The following FBXL19 variants were observed in gnomAD, a reference collection of about 807,000 sequenced individuals.
FBXL19 encodes F-box/LRR-repeat protein 19.
Under a neutral mutation model 71.2 loss-of-function variants are expected in FBXL19, and 16 were observed. The ratio of observed to expected loss-of-function variants is 0.22; its 90% CI spans 0.15 to 0.34. The LOEUF is 0.34. Among genes scored for constraint, FBXL19 ranks in the 10% least tolerant of loss-of-function variants. The pLI is 1.00. For missense variants in FBXL19, 658 were observed against 968.2 expected (o/e 0.68, Z 4.25); for synonymous variants, 447 against 409.4 (o/e 1.09, Z -1.11).
At chr16:30,928,348 C>G in intron 5 of FBXL19, 119 bp from the exon 6 acceptor site, 1 of 1,130,166 alleles carries the variant, frequency 8.8e-7, no homozygotes, top group Non-Finnish European at 1.2e-6. Flanking sequence ...AGAGTTATCC[C>G]TGGGACGGGG....
In FBXL19 at chr16:30,927,674, G is replaced by T. The variant is rs770558884; in HGVS notation, c.408+15G>T. Reference sequence around the variant, plus strand: ...GCACCAGCAAGGTAGGGGCTGGGCTGGGCTGAGCTGTGGGTAGGTGGGTGT... The same window carrying T: ...GCACCAGCAAGGTAGGGGCTGGGCTTGGCTGAGCTGTGGGTAGGTGGGTGT... On this transcript the variant is annotated intron_variant, in intron 4 of 10. Coordinates refer to ENST00000338343, the MANE Select transcript of FBXL19 (RefSeq NM_001382779.1). 4.5e-5 allele frequency: 71 copies of T among 1,562,566 alleles called. 1 individual carries two copies. In the South Asian group the frequency reaches 7.7e-4, roughly 17 times the overall value.
intron 7 of FBXL19, among the ~76,000 whole-genome samples, chr16:30,938,846 C>G (rs2055766918): frequency 6.6e-6 from 1 of 151,844 alleles, no homozygotes; most frequent in Non-Finnish European, 1.5e-5. Context: ...CCGTATTAGC[C>G]AGGATGGTCT....
rs1456136051 is a variant in FBXL19, at chr16:30,946,837, C to T, written c.1735C>T (p.Leu579=). The part of the protein sequence containing the change: ...LRLLLRHAPQ[L]SALDLSHCAH... ...TCTCCTGCTGCGTCACGCACCCCAGCTGAGCGCCCTGGACCTGAGCCACTG... is the reference window on the plus strand; with the variant it reads ...TCTCCTGCTGCGTCACGCACCCCAGTTGAGCGCCCTGGACCTGAGCCACTG... Residue 579 remains leucine, a synonymous_variant, in exon 10 of 11, where the codon CTG becomes TTG. Coordinates refer to ENST00000338343, the MANE Select transcript of FBXL19 (RefSeq NM_001382779.1). The surrounding 1 kb of genome is among the most constrained non-coding windows in gnomAD (Gnocchi z 6.7). The T allele has an allele frequency of 6.2e-7, 1 of 1,612,330 alleles. No homozygotes were observed. Among genetic ancestry groups the T allele is most frequent in the African/African-American group, 1.3e-5 (1 of 74,888 alleles).
At chr16:30,927,247 G>A (rs1268090552) in intron 2 of FBXL19, 61 bp from the exon 3 acceptor site, 2 of 1,487,980 alleles carry the variant, frequency 1.3e-6, no homozygotes, top group Non-Finnish European at 1.8e-6. Context: ...GTCCCTAGAA[G>A]GAAGGGTCTT....
chr16:30,927,179 T>G (rs2055601933), intron 2 of FBXL19, 129 bp from the exon 3 acceptor site: 1 of 945,016 alleles, frequency 1.1e-6, no homozygotes, highest in Non-Finnish European at 1.5e-6. Context: ...AGGAGCAAAC[T>G]CAGGATCAGA....
intron 2 of FBXL19, 90 bp downstream of exon 2, chr16:30,926,021 A>G (rs1471361837): frequency 2.7e-5 from 37 of 1,353,380 alleles, no homozygotes; most frequent in Non-Finnish European, 3.5e-5. Flanking sequence ...TGTACTGTGG[A>G]GTGGCTGTTT....
rs1157950800 is a variant in FBXL19 at position 30,948,635 on chromosome 16, G to A, written c.*1405G>A. The A allele has an allele frequency of 2.6e-5, 4 of 152,170 alleles. No homozygotes were observed. Among genetic ancestry groups the A allele is most frequent in the Admixed American group, 2.6e-4 (4 of 15,284 alleles). The allele number at this position is 152,170 out of a possible 1,614,324, so 9.4% of individuals were successfully genotyped here. On this transcript the variant is annotated 3_prime_UTR_variant, in exon 11 of 11. Transcript: ENST00000338343. The stretch of plus-strand genomic sequence containing the variant: ...CAAAGGCCGGAGGGGTGGGGCCTGG[G>A]GATAGCGAGAGGCTTGAGAATGGGG...
chr16:30,926,477 C>G (rs1055321308), intron 2 of FBXL19, among the ~76,000 whole-genome samples: 1 of 152,134 alleles, frequency 6.6e-6, no homozygotes, highest in Non-Finnish European at 1.5e-5. Context: ...CAGTAGGGAT[C>G]GGGGAAGCAT....
At position 30,925,107 on chromosome 16, in the gene FBXL19, T is replaced by C. The variant is rs2055575005; in HGVS notation, c.-24-624T>C. ...AGCATCTCCAGGGCTGTCAGAGCTC[T>C]GGGGAGTTAGTGGGCAGAGGAGATC... is the stretch of plus-strand genomic sequence containing the variant. On this transcript the variant is annotated intron_variant, in intron 1 of 10. Transcript: ENST00000338343. This position sits in a 1 kb window ranked among gnomAD's most constrained non-coding sequence, Gnocchi z 5.0. 6.6e-6 allele frequency among the ~76,000 whole-genome samples: 1 copy of C among 151,916 alleles called. No homozygotes were observed. The highest frequency in any genetic ancestry group is 1.5e-5 in the Non-Finnish European group (1 of 67,960).
In FBXL19 at chr16:30,935,449, G is replaced by A. The variant is rs139584712; in HGVS notation, c.1301+4865G>A. Among the ~76,000 whole-genome samples the A allele has an allele frequency of 2.8e-4, 43 of 152,328 alleles. No homozygotes were observed. In the East Asian group the frequency reaches 7.9e-3, roughly 28 times the overall value. On this transcript the variant is annotated intron_variant, in intron 7 of 10. Transcript: ENST00000338343. Reference sequence around the variant, plus strand: ...GGAAGTGATCCCTTAAGAGTGAAGAGTGAAGAGTGGAGAGAGGGCAGCAGG... The same window carrying A: ...GGAAGTGATCCCTTAAGAGTGAAGAATGAAGAGTGGAGAGAGGGCAGCAGG...
At chr16:30,931,675 A>G (rs1361817558) in intron 7 of FBXL19, among the ~76,000 whole-genome samples, 1 of 152,190 alleles carries the variant, frequency 6.6e-6, no homozygotes, top group East Asian at 1.9e-4. Context: ...TTGTGCAGCC[A>G]AAAGTACCAG....
At chr16:30,945,749 A>G (rs975052956) in intron 9 of FBXL19, among the ~76,000 whole-genome samples, 1 of 148,872 alleles carries the variant, frequency 6.7e-6, no homozygotes, top group Admixed American at 6.7e-5. Flanking sequence ...AAGTGGGAGG[A>G]TCAAGGCTAC....
At chr16:30,929,749 T>C (rs1356831395) in intron 6 of FBXL19, among the ~76,000 whole-genome samples, 4 of 152,084 alleles carry the variant, frequency 2.6e-5, no homozygotes, top group Non-Finnish European at 5.9e-5. Context: ...AGAGACAGGG[T>C]TTCACTATGT....
At position 30,927,837 on chromosome 16, in the gene FBXL19, G is replaced by A. The variant is rs1046628201; in HGVS notation, c.501G>A (p.Pro167=). The A allele has an allele frequency of 1.9e-6, 3 of 1,545,498 alleles. No individual in the cohort carries two copies. The highest frequency in any genetic ancestry group is 2.4e-5 in the South Asian group (2 of 83,858). The change falls in exon 5 of 11, where the codon CCG becomes CCA. Residue 167 remains proline, a synonymous_variant. Transcript: ENST00000338343. ...GATGGAAGCTGACAGAGGAGCCACC[G>A]CTTCCACCGCCCCCGCCCAGGCGCA... ...GSGWKLTEEP[P]LPPPPPRRKG...
At position 30,925,409 on chromosome 16, in the gene FBXL19, G is replaced by A. The variant is rs2055579277; in HGVS notation, c.-24-322G>A. ...TAACACCACGGACAAGGAGTGCCTG[G>A]CCTTTCCAAGGAGCTCCGGTGTGGG... On this transcript the variant is annotated intron_variant, in intron 1 of 10. Coordinates refer to ENST00000338343, the MANE Select transcript of FBXL19 (RefSeq NM_001382779.1). The surrounding 1 kb of genome is among the most constrained non-coding windows in gnomAD (Gnocchi z 5.0). Among the ~76,000 whole-genome samples the A allele has an allele frequency of 6.6e-6, 1 of 152,126 alleles. No homozygotes were observed. Among genetic ancestry groups the A allele is most frequent in the Non-Finnish European group, 1.5e-5 (1 of 67,988 alleles).
chr16:30,942,176 G>A lies in FBXL19; in HGVS notation c.1362G>A (p.Pro454=), dbSNP rs370790913. 2.3e-5 allele frequency: 37 copies of A among 1,596,852 alleles called. No individual in the cohort carries two copies. Among genetic ancestry groups the A allele is most frequent in the East Asian group, 9.1e-5 (4 of 43,930 alleles). The change falls in exon 8 of 11, where the codon CCG becomes CCA. Residue 454 remains proline, a synonymous_variant. Transcript: ENST00000338343. This position sits in a 1 kb window ranked among gnomAD's most constrained non-coding sequence, Gnocchi z 5.7. ...MDLSRRKSLT[P]PMLSGVVRRQ... Reference sequence around the variant, plus strand: ...TGAGCCGGCGGAAGTCACTGACCCCGCCCATGCTCAGTGGTGTGGTTCGCC... The same window carrying A: ...TGAGCCGGCGGAAGTCACTGACCCCACCCATGCTCAGTGGTGTGGTTCGCC...
chr16:30,942,325 TG>T lies in FBXL19; in HGVS notation c.1466-47del, dbSNP rs755122853. On this transcript the variant is annotated intron_variant, in intron 8 of 10. Coordinates refer to ENST00000338343, the MANE Select transcript of FBXL19 (RefSeq NM_001382779.1). This position sits in a 1 kb window ranked among gnomAD's most constrained non-coding sequence, Gnocchi z 5.7. ...GACAGGGTGGGGACAGGGACAGGCC[TG>T]GGATGGAGTCCTCACAGCACCTGCT... is the stretch of plus-strand genomic sequence containing the variant. 2.1e-5 allele frequency: 34 copies of T among 1,601,236 alleles called. No homozygotes were observed. The highest frequency in any genetic ancestry group is 2.9e-5 in the Non-Finnish European group (34 of 1,172,428).
intron 7 of FBXL19, among the ~76,000 whole-genome samples, chr16:30,938,808 T>C (rs1462621305): frequency 6.6e-6 from 1 of 151,582 alleles, no homozygotes; most frequent in Non-Finnish European, 1.5e-5. Context: ...GGCTAATCTT[T>C]TGTATTTTTA....
At position 30,946,907 on chromosome 16, in the gene FBXL19, C is replaced by T. The variant is rs1245062329; in HGVS notation, c.1805C>T (p.Thr602Met). The T allele has an allele frequency of 1.9e-6, 3 of 1,610,816 alleles. No homozygotes were observed. The highest frequency in any genetic ancestry group is 2.5e-6 in the Non-Finnish European group (3 of 1,179,242). ...AGTGTTCACCTCCTCACGGCCCCCA[C>T]GTCCCCACTCCGCGAGACCCTGGTG... ...DPSVHLLTAP[T>M]SPLRETLVHL... The change falls in exon 10 of 11, where the codon ACG (threonine) becomes ATG (methionine). Residue 602 changes from threonine to methionine, a missense_variant. This residue lies in a region of FBXL19 where 69 missense variants were observed against 177.8 expected (regional missense o/e 0.39). Transcript: ENST00000338343. This position sits in a 1 kb window ranked among gnomAD's most constrained non-coding sequence, Gnocchi z 6.7.
Sources: allele counts gnomAD v4.1 joint callset (sites outside exome capture counted in the v4.1 genomes callset), GRCh38; gene constraint gnomAD v4.1.1; regional missense constraint gnomAD v4.1.1; non-coding constraint Gnocchi (gnomAD v3.1); transcripts MANE v1.5; gene names NCBI Gene and HGNC (gene_info 2026-07-23, HGNC 2026-07-21).